Variants in MRLN observed in about 807,000 individuals in gnomAD.
MRLN encodes the protein myoregulin.
At position 59,738,579 on chromosome 10, in the gene MRLN, C is replaced by T. The variant is rs2062109409; in HGVS notation, c.-124-17G>A. 6.6e-6 allele frequency: 1 copy of T among 152,134 alleles called. No homozygotes were observed. The highest frequency in any genetic ancestry group is 2.4e-5 in the African/African-American group (1 of 41,422). 9.4% of individuals were successfully genotyped at this position (152,134 alleles called of 1,614,324 possible). A position where few individuals can be genotyped will look rare whatever the true frequency, so the allele number is the denominator to read the frequency against. On this transcript the variant is annotated splice_polypyrimidine_tract_variant and intron_variant, in intron 1 of 2. Transcript: ENST00000414264. ...CCTTGATTCCTGTGTCAAATCATAG[C>T]AAAAAGTTTTACTGGACAGTGAGGT... is the stretch of plus-strand genomic sequence containing the variant.
chr10:59,746,372 T>C (rs1282628121), intron 1 of MRLN, among the ~76,000 whole-genome samples: 1 of 152,218 alleles, frequency 6.6e-6, no homozygotes, highest in Non-Finnish European at 1.5e-5. Flanking sequence ...GCGCTGCTTA[T>C]GCACAACTGG....
intron 1 of MRLN, among the ~76,000 whole-genome samples, chr10:59,750,553 GC>G (rs1249532520): frequency 6.6e-6 from 1 of 152,214 alleles, no homozygotes; most frequent in Non-Finnish European, 1.5e-5. Flanking sequence ...GTTTCTAGCT[GC>G]CATATTCTTG....
intron 2 of MRLN, among the ~76,000 whole-genome samples, 167 bp from the exon 3 acceptor site, chr10:59,737,387 A>C (rs1589014683): frequency 6.6e-6 from 1 of 152,178 alleles, no homozygotes; most frequent in Middle Eastern, 3.2e-3. Flanking sequence ...TTTTTCTCCC[A>C]TTTATTTTGA....
At chr10:59,745,484 TC>T (rs1271295738) in intron 1 of MRLN, among the ~76,000 whole-genome samples, 124 of 125,146 alleles carry the variant, frequency 9.9e-4, no homozygotes, top group African/African-American at 2.4e-3. Context: ...GGCAAATAAT[TC>T]CCCCCCCCAC....
chr10:59,747,042 C>T (rs531627074), intron 1 of MRLN, among the ~76,000 whole-genome samples: 27 of 152,340 alleles, frequency 1.8e-4, no homozygotes, highest in Middle Eastern at 3.4e-3. Context: ...TCAGGTGATC[C>T]GTCCGCCTCA....
chr10:59,742,333 T>C (rs562770695), intron 1 of MRLN, among the ~76,000 whole-genome samples: 3 of 152,254 alleles, frequency 2.0e-5, no homozygotes, highest in Admixed American at 1.3e-4. Flanking sequence ...CTAATAAAGA[T>C]AGCATTGAAT....
At position 59,738,506 on chromosome 10, in the gene MRLN, T is replaced by C. The variant is rs552887363; in HGVS notation, c.-68A>G. ...TAGGTAACACGGCTTCTCAGTTTTC[T>C]GCTCTTGCCAGAACAAAGTGTATTC... On this transcript the variant is annotated 5_prime_UTR_variant, in exon 2 of 3. Coordinates refer to ENST00000414264, the MANE Select transcript of MRLN (RefSeq NM_001304731.2). 6.6e-6 allele frequency: 1 copy of C among 152,368 alleles called. No homozygotes were observed. Among genetic ancestry groups the C allele is most frequent in the African/African-American group, 2.4e-5 (1 of 41,586 alleles). The allele number at this position is 152,368 out of a possible 1,614,324, so 9.4% of individuals were successfully genotyped here. A position where few individuals can be genotyped will look rare whatever the true frequency, so the allele number is the denominator to read the frequency against.
chr10:59,740,191 T>C (rs1409815739), intron 1 of MRLN, among the ~76,000 whole-genome samples: 1 of 152,182 alleles, frequency 6.6e-6, no homozygotes, highest in African/African-American at 2.4e-5. Context: ...CTCATGTGTT[T>C]GTGGTGATGC....
At chr10:59,739,122 CAA>C (rs573633749) in intron 1 of MRLN, 5 of 118,714 alleles carry the variant, frequency 4.2e-5, no homozygotes, top group Non-Finnish European at 7.1e-5. Context: ...GATTCCGTCT[CAA>C]AAAAAAAAAA....
intron 1 of MRLN, among the ~76,000 whole-genome samples, chr10:59,745,193 G>A (rs1294100973): frequency 6.6e-6 from 1 of 152,148 alleles, no homozygotes; most frequent in Non-Finnish European, 1.5e-5. Flanking sequence ...GGCATTTGTT[G>A]AAGAGAATAG....
chr10:59,744,545 G>A (rs971154034), intron 1 of MRLN, among the ~76,000 whole-genome samples: 5 of 150,602 alleles, frequency 3.3e-5, no homozygotes, highest in African/African-American at 1.2e-4. Context: ...GCGCGCCTCT[G>A]CCCAGCCGCC....
At position 59,753,336 on chromosome 10, in the gene MRLN, C is replaced by CA. The variant is rs3830192; in HGVS notation, c.-125+17dup. Reference sequence around the variant, plus strand: ...ACATTAAAAAACAAAACAAAACAAACAAAAAAAAAACACTTACTGTCCAGG... The same window carrying CA: ...ACATTAAAAAACAAAACAAAACAAACAAAAAAAAAAACACTTACTGTCCAGG... On this transcript the variant is annotated intron_variant, in intron 1 of 2. Transcript: ENST00000414264. 0.11 allele frequency: 16,712 copies of CA among 148,472 alleles called. 972 individuals carry two copies. The highest frequency in any genetic ancestry group is 0.17 in the Middle Eastern group (48 of 286). The allele number at this position is 148,472 out of a possible 1,614,324, so 9.2% of individuals were successfully genotyped here. A position where few individuals can be genotyped will look rare whatever the true frequency, so the allele number is the denominator to read the frequency against.
At chr10:59,751,348 T>G (rs1193041942) in intron 1 of MRLN, among the ~76,000 whole-genome samples, 1 of 152,132 alleles carries the variant, frequency 6.6e-6, no homozygotes, top group East Asian at 1.9e-4. Context: ...TCTTCTATTC[T>G]TCACAAAGTC....
chr10:59,744,155 G>T (rs917275878), intron 1 of MRLN: 4 of 155,576 alleles, frequency 2.6e-5, no homozygotes, highest in African/African-American at 9.9e-5. Context: ...CCCTCTGCCT[G>T]GCCGCCCAGT....
At chr10:59,737,253 A>G in intron 2 of MRLN, 33 bp from the exon 3 acceptor site, 1 of 390,726 alleles carries the variant, frequency 2.6e-6, no homozygotes, top group South Asian at 1.4e-4. Flanking sequence ...CCTCAAATGA[A>G]CACATTTATA....
intron 1 of MRLN, among the ~76,000 whole-genome samples, chr10:59,743,557 ACAAATTTGT>A (rs1280727793): frequency 6.6e-6 from 1 of 152,144 alleles, no homozygotes; most frequent in Non-Finnish European, 1.5e-5. Context: ...TTGGAAGGAC[ACAAATTTGT>A]CTCATCACAA....
chr10:59,737,508 T>C (rs1460007203), intron 2 of MRLN, among the ~76,000 whole-genome samples: 1 of 152,130 alleles, frequency 6.6e-6, no homozygotes, highest in Non-Finnish European at 1.5e-5. Flanking sequence ...ATGTTATCTG[T>C]AGTAAGTTTA....
rs1352806586 is a variant in MRLN, at chr10:59,736,951, T to C, written c.*109A>G. The C allele has an allele frequency of 2.4e-5, 9 of 376,782 alleles. No homozygotes were observed. The highest frequency in any genetic ancestry group is 9.1e-5 in the Admixed American group (2 of 21,918). 23.3% of individuals were successfully genotyped at this position (376,782 alleles called of 1,614,324 possible). ...TGTATTGCAGTGTCCTGTTGGCTTC[T>C]AGAATAAATTGGCAATGTCATAAAA... On this transcript the variant is annotated 3_prime_UTR_variant, in exon 3 of 3. Coordinates refer to ENST00000414264, the MANE Select transcript of MRLN (RefSeq NM_001304731.2).
At chr10:59,748,069 T>A (rs1342183722) in intron 1 of MRLN, among the ~76,000 whole-genome samples, 1 of 151,824 alleles carries the variant, frequency 6.6e-6, no homozygotes, top group African/African-American at 2.4e-5. Flanking sequence ...GAGAACTATG[T>A]CTTATTAATG....
Sources: gnomAD v4.1 joint callset for allele counts (sites outside exome capture counted in the v4.1 genomes callset) on GRCh38, gnomAD v4.1.1 for gene constraint, MANE v1.5 for transcripts, NCBI Gene and HGNC (gene_info 2026-07-23, HGNC 2026-07-21) for gene names.